GPC6: variants seen among roughly 807,000 people sequenced by gnomAD.
The protein encoded by GPC6 is glypican 6.
GPC6 carries 14 observed loss-of-function variants against 55.2 expected under a neutral mutation model. That is an observed-to-expected ratio of 0.25 (90% confidence interval 0.17 to 0.40). GPC6 has a LOEUF of 0.40. Among genes scored for constraint, GPC6 ranks in the 10% least tolerant of loss-of-function variants. GPC6 has a pLI of 1.00. For synonymous variants in GPC6, 278 were observed against 259.6 expected, an observed-to-expected ratio of 1.07 and a Z score of -0.68; for missense variants, 641 against 708.5, an observed-to-expected ratio of 0.90 and a Z score of 1.08.
intron 2 of GPC6, among the ~76,000 whole-genome samples, chr13:93,675,428 T>C (rs1881550285): frequency 6.6e-6 from 1 of 152,162 alleles, no homozygotes; most frequent in Non-Finnish European, 1.5e-5. Context: ...CACACATGTA[T>C]GGACTGGACA....
intron 2 of GPC6, among the ~76,000 whole-genome samples, chr13:93,712,139 G>A (rs866058149): frequency 2.0e-5 from 3 of 151,708 alleles, no homozygotes; most frequent in Non-Finnish European, 4.4e-5. Flanking sequence ...TATTTAAGGA[G>A]TAGTCCGCTC....
intron 3 of GPC6, among the ~76,000 whole-genome samples, chr13:93,902,521 G>A (rs1876416583): frequency 1.3e-5 from 2 of 152,234 alleles, no homozygotes; most frequent in Admixed American, 6.5e-5. Context: ...AATAAACATG[G>A]AGGTACAGGT....
At chr13:93,458,812 T>C (rs1878569928) in intron 1 of GPC6, among the ~76,000 whole-genome samples, 2 of 152,156 alleles carry the variant, frequency 1.3e-5, no homozygotes, top group African/African-American at 4.8e-5. Context: ...AACAATATAT[T>C]TTATGTTCAA....
intron 1 of GPC6, among the ~76,000 whole-genome samples, chr13:93,311,674 G>C (rs765839546): frequency 2.0e-5 from 3 of 152,108 alleles, no homozygotes; most frequent in Non-Finnish European, 2.9e-5. Flanking sequence ...TAGATTCTTT[G>C]TAAACAAATA....
At chr13:93,572,319 A>G (rs1301420999) in intron 2 of GPC6, among the ~76,000 whole-genome samples, 4 of 152,138 alleles carry the variant, frequency 2.6e-5, no homozygotes, top group Non-Finnish European at 5.9e-5. Context: ...TCATATATGT[A>G]CCCTTTCACA....
At chr13:94,124,177 G>C (rs539448683) in intron 4 of GPC6, among the ~76,000 whole-genome samples, 1 of 152,130 alleles carries the variant, frequency 6.6e-6, no homozygotes, top group South Asian at 2.1e-4. Flanking sequence ...GGTTTATTTA[G>C]GTATTCTTTA....
intron 4 of GPC6, among the ~76,000 whole-genome samples, chr13:94,282,309 T>C (rs1022184129): frequency 3.9e-5 from 6 of 152,074 alleles, no homozygotes; most frequent in Non-Finnish European, 7.4e-5. Flanking sequence ...GAAGCAAACA[T>C]GTCCTTCTTC....
intron 3 of GPC6, among the ~76,000 whole-genome samples, chr13:93,849,634 T>C (rs1054061141): frequency 1.3e-5 from 2 of 152,116 alleles, no homozygotes; most frequent in Non-Finnish European, 2.9e-5. Flanking sequence ...ACTGTTTCCA[T>C]AGTTAATGGA....
At chr13:93,900,130 A>G (rs932963410) in intron 3 of GPC6, among the ~76,000 whole-genome samples, 4 of 151,298 alleles carry the variant, frequency 2.6e-5, no homozygotes, top group South Asian at 2.1e-4. Context: ...TTGCCGGACT[A>G]TCTGTATGAT....
chr13:93,248,531 A>G (rs1291604186), intron 1 of GPC6, among the ~76,000 whole-genome samples: 1 of 151,786 alleles, frequency 6.6e-6, no homozygotes, highest in Non-Finnish European at 1.5e-5. Context: ...GCTTTTTCCC[A>G]GTACGACACT....
chr13:94,316,199 A>G (rs1281043892), intron 6 of GPC6, among the ~76,000 whole-genome samples: 1 of 152,134 alleles, frequency 6.6e-6, no homozygotes, highest in Non-Finnish European at 1.5e-5. Flanking sequence ...ATCCTAGGAG[A>G]AATCTAAGTT....
intron 4 of GPC6, among the ~76,000 whole-genome samples, chr13:94,215,189 A>T (rs1353604518): frequency 6.6e-6 from 1 of 152,190 alleles, no homozygotes; most frequent in East Asian, 1.9e-4. Flanking sequence ...TAGTGCAGTG[A>T]ATTGGAGTGG....
At chr13:93,944,405 T>C (rs1044407099) in intron 3 of GPC6, among the ~76,000 whole-genome samples, 1 of 151,934 alleles carries the variant, frequency 6.6e-6, no homozygotes, top group African/African-American at 2.4e-5. Flanking sequence ...GGGGTTTCAC[T>C]GTGTTAGCCA....
At chr13:93,442,054 G>A (rs556550818) in intron 1 of GPC6, among the ~76,000 whole-genome samples, 2 of 152,262 alleles carry the variant, frequency 1.3e-5, no homozygotes, top group East Asian at 3.9e-4. Flanking sequence ...AAAGAAGATA[G>A]ATGATAAATA....
chr13:94,047,472 C>A (rs1388749903), intron 4 of GPC6, among the ~76,000 whole-genome samples: 2 of 151,870 alleles, frequency 1.3e-5, no homozygotes, highest in African/African-American at 4.8e-5. Context: ...AAGTTGCATT[C>A]CCTGATCTTT....
chr13:94,153,537 G>A (rs1235711078), intron 4 of GPC6, among the ~76,000 whole-genome samples: 2 of 152,094 alleles, frequency 1.3e-5, no homozygotes, highest in Non-Finnish European at 2.9e-5. Context: ...ATTTTTCCAC[G>A]ACCCTCAGCT....
chr13:93,649,137 C>T (rs919432725), intron 2 of GPC6, among the ~76,000 whole-genome samples: 1 of 152,088 alleles, frequency 6.6e-6, no homozygotes, highest in Non-Finnish European at 1.5e-5. Flanking sequence ...TCAGCCATTT[C>T]ATTTGGTTCA....
intron 6 of GPC6, among the ~76,000 whole-genome samples, chr13:94,363,100 C>T (rs1879131197): frequency 6.6e-6 from 1 of 152,060 alleles, no homozygotes; most frequent in Non-Finnish European, 1.5e-5. Context: ...TCCATGTGTT[C>T]TCGTTAGATT....
chr13:94,296,761 C>T (rs1188746009), intron 5 of GPC6, among the ~76,000 whole-genome samples: 4 of 152,138 alleles, frequency 2.6e-5, no homozygotes, highest in African/African-American at 4.8e-5. Flanking sequence ...TTTCAAACTA[C>T]CAACATAATG....
Sources: allele counts gnomAD v4.1 joint callset (sites outside exome capture counted in the v4.1 genomes callset), GRCh38; gene constraint gnomAD v4.1.1; transcripts MANE v1.5; gene names NCBI Gene and HGNC (gene_info 2026-07-23, HGNC 2026-07-21).